Variants in DNAI7 observed in about 807,000 individuals in gnomAD.
DNAI7 encodes dynein axonemal intermediate chain 7.
DNAI7 carries 78 observed loss-of-function variants against 86.6 expected under a neutral mutation model. The observed-to-expected ratio is 0.90, with a 90% CI of 0.75 to 1.09. The LOEUF is 1.09. Ranked by LOEUF, DNAI7 falls within the 50% of genes least tolerant of loss-of-function variation. DNAI7 has a pLI of 0.00. For missense variants in DNAI7, 753 were observed against 810.2 expected, an observed-to-expected ratio of 0.93 and a Z score of 0.86; for synonymous variants, 274 against 273.0, an observed-to-expected ratio of 1.00 and a Z score of -0.04.
Position 25,108,658 on chromosome 12 carries a change from TCAC to T in DNAI7, c.2056_2058del (p.Val686del). The T allele has an allele frequency of 6.2e-7, 1 of 1,613,716 alleles. No homozygotes were observed. Among genetic ancestry groups the T allele is most frequent in the Non-Finnish European group, 8.5e-7 (1 of 1,179,904 alleles). The stretch of plus-strand genomic sequence containing the variant: ...ATTGCTTCCTCAGAAGCAAAATCCT[TCAC>T]CATGTGATATAAAGTAGAATGAAAC... On this transcript the variant is annotated inframe_deletion, in exon 16 of 16. Transcript: ENST00000395987.
intron 9 of DNAI7, 51 bp downstream of exon 9, chr12:25,144,314 A>G: frequency 1.4e-6 from 2 of 1,438,402 alleles, no homozygotes; most frequent in Non-Finnish European, 1.9e-6. Context: ...AGGGAATCTA[A>G]TAACGCATGC....
intron 2 of DNAI7, among the ~76,000 whole-genome samples, chr12:25,180,603 A>G (rs1356544412): frequency 6.6e-6 from 1 of 152,176 alleles, no homozygotes; most frequent in Non-Finnish European, 1.5e-5. Context: ...ATGGAACACA[A>G]TAGAGAACCC....
At chr12:25,116,946 ATTTTT>A (rs796163736) in intron 12 of DNAI7, among the ~76,000 whole-genome samples, 92 of 152,118 alleles carry the variant, frequency 6.0e-4, no homozygotes, top group African/African-American at 2.1e-3. Flanking sequence ...CTTATTTTTT[ATTTTT>A]TGAGACAGGG....
At chr12:25,127,268 G>A (rs1486682565) in intron 9 of DNAI7, among the ~76,000 whole-genome samples, 1 of 152,058 alleles carries the variant, frequency 6.6e-6, no homozygotes, top group Non-Finnish European at 1.5e-5. Context: ...GACAATACAG[G>A]TATAATGTAT....
At chr12:25,189,989 T>TA (rs71449907) in intron 2 of DNAI7, among the ~76,000 whole-genome samples, 257 of 19,122 alleles carry the variant, frequency 0.013, 1 homozygote, top group African/African-American at 0.032. Flanking sequence ...GCAACTGATT[T>TA]AAAAAAAAAA....
intron 9 of DNAI7, among the ~76,000 whole-genome samples, chr12:25,124,032 T>TTGTGTGTGTGTGTGTGTGTGTGTGTGTG (rs57454187): frequency 5.2e-4 from 75 of 144,676 alleles, no homozygotes; most frequent in Non-Finnish European, 9.2e-4. Flanking sequence ...AGTATAAAAA[T>TTGTGTGTGTGTGTGTGTGTGTGTGTGTG]TGTGTGTGTG....
chr12:25,140,484 AC>A (rs1944046198), intron 9 of DNAI7, among the ~76,000 whole-genome samples: 1 of 152,134 alleles, frequency 6.6e-6, no homozygotes, highest in Non-Finnish European at 1.5e-5. Context: ...TAAATAAAAT[AC>A]TTAGGAATAC....
At position 25,171,032 on chromosome 12, in the gene DNAI7, G is replaced by T. The variant is rs143484377; in HGVS notation, c.22-9835C>A. On this transcript the variant is annotated intron_variant, in intron 2 of 15. Coordinates refer to ENST00000395987, the MANE Select transcript of DNAI7 (RefSeq NM_018272.5). ...TGCCTACATCAAAAAATCTGAAAGA[G>T]CACAAACAGGCAATCTAAGGTCACA... Among the ~76,000 whole-genome samples the T allele has an allele frequency of 1.1e-3, 174 of 152,108 alleles. 1 individual carries two copies. Among genetic ancestry groups the T allele is most frequent in the African/African-American group, 4.1e-3 (171 of 41,496 alleles).
intron 12 of DNAI7, among the ~76,000 whole-genome samples, 155 bp from the exon 13 acceptor site, chr12:25,115,025 CCT>C (rs1939787088): frequency 1.3e-5 from 2 of 152,182 alleles, no homozygotes; most frequent in Non-Finnish European, 1.5e-5. Flanking sequence ...AGAGATTTCC[CCT>C]GACTACAGGA....
At chr12:25,184,007 C>T (rs1565838489) in intron 2 of DNAI7, among the ~76,000 whole-genome samples, 1 of 152,042 alleles carries the variant, frequency 6.6e-6, no homozygotes, top group Non-Finnish European at 1.5e-5. Flanking sequence ...CTTCTATATC[C>T]AGACCTGTAT....
chr12:25,125,063 AGTGCT>A lies in DNAI7; in HGVS notation c.1003-1782_1003-1778del, dbSNP rs1220724468. On this transcript the variant is annotated intron_variant, in intron 9 of 15. Coordinates refer to ENST00000395987, the MANE Select transcript of DNAI7 (RefSeq NM_018272.5). Reference sequence around the variant, plus strand: ...ATTCCATGTCTCTGCTATTGTGAAGAGTGCTACAATGAACATTCACGTTCATGTGA... The same window carrying A: ...ATTCCATGTCTCTGCTATTGTGAAGAACAATGAACATTCACGTTCATGTGA... Among the ~76,000 whole-genome samples the A allele has an allele frequency of 1.6e-4, 24 of 152,312 alleles. 1 individual carries two copies. The East Asian group carries it at 3.9e-3, about 24-fold the overall frequency.
rs183317713 is a variant in DNAI7 at position 25,173,150 on chromosome 12, A to C, written c.22-11953T>G. ...GCATGGCAAAAGAAACAGTCAGCAG[A>C]GTAAACAGACAACCCACAACGTGAG... is the stretch of plus-strand genomic sequence containing the variant. On this transcript the variant is annotated intron_variant, in intron 2 of 15. Coordinates refer to ENST00000395987, the MANE Select transcript of DNAI7 (RefSeq NM_018272.5). Among the ~76,000 whole-genome samples, 10 of 152,218 alleles carry C rather than the reference A, an allele frequency of 6.6e-5. No homozygotes were observed. The East Asian group carries it at 1.4e-3, about 21-fold the overall frequency.
At chr12:25,181,169 G>A (rs1949469621) in intron 2 of DNAI7, among the ~76,000 whole-genome samples, 1 of 152,156 alleles carries the variant, frequency 6.6e-6, no homozygotes, top group African/African-American at 2.4e-5. Context: ...GGAGTGCAGT[G>A]GTGCAATCAT....
chr12:25,155,414 T>C lies in DNAI7; in HGVS notation c.199-2A>G. On this transcript the variant is annotated splice_acceptor_variant, in intron 4 of 15. Coordinates refer to ENST00000395987, the MANE Select transcript of DNAI7 (RefSeq NM_018272.5). LOFTEE classifies it high-confidence loss of function. Reference sequence around the variant, plus strand: ...TTCTTCATTTCTCCTTTCTAGATCCTGTTGCACAAGGACAGATACATTGAT... The same window carrying C: ...TTCTTCATTTCTCCTTTCTAGATCCCGTTGCACAAGGACAGATACATTGAT... 6.5e-7 allele frequency: 1 copy of C among 1,542,900 alleles called. No homozygotes were observed.
At position 25,114,742 on chromosome 12, in the gene DNAI7, G is replaced by C. The variant is rs962073662; in HGVS notation, c.1525C>G (p.Gln509Glu). The C allele has an allele frequency of 1.9e-6, 3 of 1,613,426 alleles. No homozygotes were observed. The highest frequency in any genetic ancestry group is 1.3e-5 in the African/African-American group (1 of 74,880). ...IQDAHINMPY[Q>E]SWELRPLDVN... Reference sequence around the variant, plus strand: ...TCAAGTGGTCTTAGTTCCCATGACTGGTACGGCATGTTAATATGAGCATCT... The same window carrying C: ...TCAAGTGGTCTTAGTTCCCATGACTCGTACGGCATGTTAATATGAGCATCT... Residue 509 changes from glutamine to glutamate, a missense_variant, in exon 13 of 16, where the codon CAG becomes GAG. Transcript: ENST00000395987.
intron 10 of DNAI7, 31 bp from the exon 11 acceptor site, chr12:25,121,944 T>C (rs565945565): frequency 2.8e-6 from 4 of 1,442,216 alleles, no homozygotes; most frequent in South Asian, 1.3e-5. Context: ...AGTTTTCAAA[T>C]AGATTACAGT....
Position 25,190,361 on chromosome 12 carries a change from C to T in DNAI7, c.21+253G>A, listed in dbSNP as rs538988142. Among the ~76,000 whole-genome samples the T allele has an allele frequency of 5.2e-4, 79 of 152,194 alleles. 1 individual carries two copies. The highest frequency in any genetic ancestry group is 5.2e-3 in the South Asian group (25 of 4,826). On this transcript the variant is annotated intron_variant, in intron 2 of 15. Coordinates refer to ENST00000395987, the MANE Select transcript of DNAI7 (RefSeq NM_018272.5). ...GCAGAATTAACAAAAAGCCCCAAATCTAGACATAAGTAAAAATTAAAAGCT... is the reference window on the plus strand; with the variant it reads ...GCAGAATTAACAAAAAGCCCCAAATTTAGACATAAGTAAAAATTAAAAGCT...
chr12:25,172,525 G>A (rs893689854), intron 2 of DNAI7, among the ~76,000 whole-genome samples: 1 of 152,026 alleles, frequency 6.6e-6, no homozygotes, highest in African/African-American at 2.4e-5. Flanking sequence ...TAACCATACT[G>A]CCAAAAGCAA....
At position 25,144,440 on chromosome 12, in the gene DNAI7, T is replaced by C. The variant is rs1158609754; in HGVS notation, c.927A>G (p.Gln309=). Residue 309 remains glutamine, a synonymous_variant, in exon 9 of 16, where the codon CAA becomes CAG. Transcript: ENST00000395987. ...SKEVEEESKQ[Q]ERGSHLIQEE... Reference sequence around the variant, plus strand: ...CCTGAATTAAGTGAGACCCTCTTTCTTGTTGTTTGGACTCTTCTTCGACCT... The same window carrying C: ...CCTGAATTAAGTGAGACCCTCTTTCCTGTTGTTTGGACTCTTCTTCGACCT... 4 of 1,614,166 alleles carry C rather than the reference T, an allele frequency of 2.5e-6. No individual in the cohort carries two copies. Among genetic ancestry groups the C allele is most frequent in the Middle Eastern group, 1.6e-4 (1 of 6,062 alleles).
Sources: gnomAD v4.1 joint callset for allele counts (sites outside exome capture counted in the v4.1 genomes callset) on GRCh38, gnomAD v4.1.1 for gene constraint, MANE v1.5 for transcripts, NCBI Gene and HGNC (gene_info 2026-07-23, HGNC 2026-07-21) for gene names.